GUCY1A1: variants seen among roughly 807,000 people sequenced by gnomAD.
The protein encoded by GUCY1A1 is guanylate cyclase soluble subunit alpha-1.
GUCY1A1 carries 48 observed loss-of-function variants against 64.5 expected under a neutral mutation model. That is an observed-to-expected ratio of 0.74 (90% CI 0.59 to 0.95). GUCY1A1 has a LOEUF of 0.95. Ranked by LOEUF, GUCY1A1 falls within the 40% of genes least tolerant of loss-of-function variation. The probability of loss-of-function intolerance (pLI) is 0.00; values close to 1 mark genes in which losing one functional copy is unlikely to be tolerated. For missense variants in GUCY1A1, 804 were observed against 825.3 expected (o/e 0.97, Z 0.32); for synonymous variants, 308 against 303.4 (o/e 1.02, Z -0.16).
At chr4:155,720,708 A>G (rs1733861464) in intron 8 of GUCY1A1, among the ~76,000 whole-genome samples, 1 of 152,196 alleles carries the variant, frequency 6.6e-6, no homozygotes, top group Non-Finnish European at 1.5e-5. Context: ...GAAATTAGTT[A>G]TTAAAACTAG....
In GUCY1A1 at chr4:155,732,456, T is replaced by C. The variant is rs1472773778; in HGVS notation, c.*2225T>C. The stretch of plus-strand genomic sequence containing the variant: ...GATCTTCAAAGAGGATGAACATACA[T>C]TTCCATGACAGAGTCCATACGAAAT... On this transcript the variant is annotated 3_prime_UTR_variant, in exon 10 of 10. Coordinates refer to ENST00000506455, the MANE Select transcript of GUCY1A1 (RefSeq NM_001130682.3). 6.5e-6 allele frequency: 1 copy of C among 153,470 alleles called. No homozygotes were observed. The highest frequency in any genetic ancestry group is 1.5e-5 in the Non-Finnish European group (1 of 67,896). 9.5% of individuals were successfully genotyped at this position (153,470 alleles called of 1,614,324 possible). A position where few individuals can be genotyped will look rare whatever the true frequency, so the allele number is the denominator to read the frequency against.
chr4:155,733,861 T>C lies in GUCY1A1; in HGVS notation c.*3630T>C, dbSNP rs778932504. The stretch of plus-strand genomic sequence containing the variant: ...TAGGGTGGATATTTACTTGCACAGG[T>C]GACTGAATGAACATCTGTTTATACA... On this transcript the variant is annotated 3_prime_UTR_variant, in exon 10 of 10. Transcript: ENST00000506455. Among the ~76,000 whole-genome samples, 2 of 151,690 alleles carry C rather than the reference T, an allele frequency of 1.3e-5. No individual in the cohort carries two copies. Among genetic ancestry groups the C allele is most frequent in the African/African-American group, 4.8e-5 (2 of 41,332 alleles).
chr4:155,670,369 T>G (rs931747376), intron 2 of GUCY1A1, among the ~76,000 whole-genome samples: 3 of 152,220 alleles, frequency 2.0e-5, no homozygotes, highest in Admixed American at 1.3e-4. Context: ...TAAGAAGAGC[T>G]TTTGTCAATG....
rs922629642 is a variant in GUCY1A1 at position 155,713,384 on chromosome 4, T to G, written c.1373T>G (p.Phe458Cys). ...ACAGTAGACCTTCTGTGCTCCATATTTCCCTGTGAGGTTGCTCAGCAGCTG... is the reference window on the plus strand; with the variant it reads ...ACAGTAGACCTTCTGTGCTCCATATGTCCCTGTGAGGTTGCTCAGCAGCTG... ...KKTVDLLCSI[F>C]PCEVAQQLWQ... The change falls in exon 7 of 10, where the codon TTT becomes TGT. Residue 458 changes from phenylalanine to cysteine, a missense_variant. Phe to Cys is a radical substitution (Grantham distance 205). Transcript: ENST00000506455. 7 of 1,614,014 alleles carry G rather than the reference T, an allele frequency of 4.3e-6. No homozygotes were observed. Among genetic ancestry groups the G allele is most frequent in the Non-Finnish European group, 5.9e-6 (7 of 1,180,010 alleles).
In GUCY1A1 at chr4:155,682,737, C is replaced by G. The variant is rs534213197; in HGVS notation, c.-112-14019C>G. On this transcript the variant is annotated intron_variant, in intron 2 of 9. Transcript: ENST00000506455. The stretch of plus-strand genomic sequence containing the variant: ...GTGTGTGTGTGTGTGTGTATATACC[C>G]CACTCATATCAGGCTTTGAAGAAAA... Among the ~76,000 whole-genome samples the G allele has an allele frequency of 1.1e-4, 16 of 149,552 alleles. No individual in the cohort carries two copies. The South Asian group carries it at 3.4e-3, about 32-fold the overall frequency.
intron 4 of GUCY1A1, among the ~76,000 whole-genome samples, chr4:155,705,149 C>T (rs1731571450): frequency 1.3e-5 from 2 of 152,230 alleles, no homozygotes; most frequent in African/African-American, 4.8e-5. Flanking sequence ...CGTTGGCCTC[C>T]AAAACTGCTA....
chr4:155,707,984 A>G (rs896865538), intron 4 of GUCY1A1, among the ~76,000 whole-genome samples: 1 of 151,952 alleles, frequency 6.6e-6, no homozygotes, highest in Admixed American at 6.6e-5. Context: ...GATTATAGGC[A>G]CACGCCACCA....
At chr4:155,667,280 T>C (rs1001772078) in intron 1 of GUCY1A1, 66 bp from the exon 2 acceptor site, 3 of 152,268 alleles carry the variant, frequency 2.0e-5, no homozygotes, top group East Asian at 2.0e-4. Context: ...CAGGTGCCAC[T>C]GCAGGGTCCC....
Position 155,736,901 on chromosome 4 carries a change from A to G in GUCY1A1, c.*6670A>G, listed in dbSNP as rs569725019. The stretch of plus-strand genomic sequence containing the variant: ...CAACACTCCTTTTATTATTACCTTC[A>G]TAGTTACTTTAAATGACATATTTAT... On this transcript the variant is annotated 3_prime_UTR_variant, in exon 10 of 10. Transcript: ENST00000506455. The G allele has an allele frequency of 6.6e-6, 1 of 152,012 alleles. No homozygotes were observed. Among genetic ancestry groups the G allele is most frequent in the African/African-American group, 2.4e-5 (1 of 41,514 alleles). 9.4% of individuals were successfully genotyped at this position (152,012 alleles called of 1,614,324 possible). A position where few individuals can be genotyped will look rare whatever the true frequency, so the allele number is the denominator to read the frequency against.
chr4:155,722,998 C>G (rs767448420), intron 9 of GUCY1A1, among the ~76,000 whole-genome samples: 3 of 152,114 alleles, frequency 2.0e-5, no homozygotes, highest in Non-Finnish European at 4.4e-5. Context: ...ACCACCCCCA[C>G]TCTCCTCCCC....
In GUCY1A1 at chr4:155,735,180, A is replaced by C. The variant is rs1332312098; in HGVS notation, c.*4949A>C. ...AGCCACACCTGCATCTGTTTTGACTAGCCCACATAACCTACACATTTTTCA... is the reference window on the plus strand; with the variant it reads ...AGCCACACCTGCATCTGTTTTGACTCGCCCACATAACCTACACATTTTTCA... On this transcript the variant is annotated 3_prime_UTR_variant, in exon 10 of 10. Transcript: ENST00000506455. The C allele has an allele frequency of 6.6e-6, 1 of 151,974 alleles. No individual in the cohort carries two copies. The highest frequency in any genetic ancestry group is 1.5e-5 in the Non-Finnish European group (1 of 67,956). 9.4% of individuals were successfully genotyped at this position (151,974 alleles called of 1,614,324 possible).
chr4:155,702,229 C>T (rs1268095362), intron 3 of GUCY1A1, among the ~76,000 whole-genome samples: 1 of 152,168 alleles, frequency 6.6e-6, no homozygotes, highest in East Asian at 1.9e-4. Context: ...ACAAAGGCAG[C>T]AACCCTTATT....
At chr4:155,725,097 C>G (rs1734481879) in intron 9 of GUCY1A1, among the ~76,000 whole-genome samples, 1 of 152,070 alleles carries the variant, frequency 6.6e-6, no homozygotes, top group African/African-American at 2.4e-5. Context: ...CCTATTTCAT[C>G]TTCTCAGTTC....
rs1735638714 is a variant in GUCY1A1 at position 155,732,258 on chromosome 4, G to A, written c.*2027G>A. 6.6e-6 allele frequency: 1 copy of A among 151,788 alleles called. No homozygotes were observed. Among genetic ancestry groups the A allele is most frequent in the Non-Finnish European group, 1.5e-5 (1 of 67,852 alleles). The allele number at this position is 151,788 out of a possible 1,614,324, so 9.4% of individuals were successfully genotyped here. On this transcript the variant is annotated 3_prime_UTR_variant, in exon 10 of 10. Transcript: ENST00000506455. ...AATGAGGGGAATGTATATAATCTTG[G>A]TGAAAAGTTGTATGGGAGTTTTTTG...
chr4:155,672,017 C>T (rs895486489), intron 2 of GUCY1A1, among the ~76,000 whole-genome samples: 10 of 104,552 alleles, frequency 9.6e-5, no homozygotes, highest in South Asian at 3.1e-4. Flanking sequence ...TTCCCCCCTC[C>T]GTTTTTTTTT....
chr4:155,672,692 G>T (rs1037565464), intron 2 of GUCY1A1, among the ~76,000 whole-genome samples: 1 of 152,128 alleles, frequency 6.6e-6, no homozygotes, highest in Non-Finnish European at 1.5e-5. Context: ...CTTTGGAATA[G>T]TACCTGCAAT....
intron 9 of GUCY1A1, among the ~76,000 whole-genome samples, chr4:155,726,593 C>A (rs1351147509): frequency 6.6e-6 from 1 of 151,776 alleles, no homozygotes; most frequent in African/African-American, 2.4e-5. Context: ...TGATATATTT[C>A]TGAAATACAG....
intron 5 of GUCY1A1, among the ~76,000 whole-genome samples, chr4:155,709,535 T>TA (rs993436065): frequency 2.0e-5 from 3 of 152,102 alleles, no homozygotes; most frequent in Non-Finnish European, 4.4e-5. Context: ...CAGAAAGTAC[T>TA]AAAAAAACTG....
intron 7 of GUCY1A1, among the ~76,000 whole-genome samples, chr4:155,714,408 A>AT (rs1732971113): frequency 6.6e-6 from 1 of 152,218 alleles, no homozygotes; most frequent in Admixed American, 6.5e-5. Flanking sequence ...GGCACTGGGG[A>AT]TACAGCAGTG....
Sources: gnomAD v4.1 joint callset for allele counts (sites outside exome capture counted in the v4.1 genomes callset) on GRCh38, gnomAD v4.1.1 for gene constraint, MANE v1.5 for transcripts, NCBI Gene and HGNC (gene_info 2026-07-23, HGNC 2026-07-21) for gene names.